FAM13B: variants seen among roughly 807,000 people sequenced by gnomAD.
FAM13B encodes family with sequence similarity 13 member B, also known as protein FAM13B.
In FAM13B, 60 loss-of-function variants were observed where a neutral mutation model predicts 117.3. That is an observed-to-expected ratio of 0.51 (90% CI 0.42 to 0.63). The LOEUF is 0.63. Ranked by LOEUF, FAM13B falls within the 30% of genes least tolerant of loss-of-function variation. The probability of loss-of-function intolerance (pLI) is 0.00; values close to 1 mark genes in which losing one functional copy is unlikely to be tolerated. For synonymous variants in FAM13B, 332 were observed against 356.1 expected, an observed-to-expected ratio of 0.93 and a Z score of 0.76; for missense variants, 972 against 1,091.9, an observed-to-expected ratio of 0.89 and a Z score of 1.55.
chr5:138,004,267 TC>T (rs752151642), intron 7 of FAM13B, among the ~76,000 whole-genome samples: 27 of 148,228 alleles, frequency 1.8e-4, no homozygotes, highest in Non-Finnish European at 3.6e-4. Context: ...CAACTCCATC[TC>T]AAAAAAAAAA....
chr5:137,953,658 T>C (rs1301417123), intron 15 of FAM13B, among the ~76,000 whole-genome samples, 193 bp from the exon 16 acceptor site: 2 of 152,190 alleles, frequency 1.3e-5, no homozygotes, highest in Non-Finnish European at 2.9e-5. Context: ...CAAGTGGTGA[T>C]GAAAACAGTT....
chr5:137,970,315 T>G lies in FAM13B; in HGVS notation c.1180-7846A>C, dbSNP rs540932835. Among the ~76,000 whole-genome samples, 550 of 152,064 alleles carry G rather than the reference T, an allele frequency of 3.6e-3. 3 individuals are homozygous for G. Among genetic ancestry groups the G allele is most frequent in the African/African-American group, 0.012 (515 of 41,446 alleles). On this transcript the variant is annotated intron_variant, in intron 10 of 23. Coordinates refer to ENST00000689681, the MANE Select transcript of FAM13B (RefSeq NM_001385994.1). Reference sequence around the variant, plus strand: ...AGTGGGGGCCAATATTCAACATTCTTAAACAAAAGAATTTTCAACCCAGAA... The same window carrying G: ...AGTGGGGGCCAATATTCAACATTCTGAAACAAAAGAATTTTCAACCCAGAA...
intron 1 of FAM13B, among the ~76,000 whole-genome samples, chr5:138,043,224 C>T (rs1791547951): frequency 6.6e-6 from 1 of 151,834 alleles, no homozygotes; most frequent in African/African-American, 2.4e-5. Context: ...AAAAATTAGC[C>T]AGGCATGGTA....
At chr5:137,997,585 G>A (rs1236487559) in intron 7 of FAM13B, among the ~76,000 whole-genome samples, 1 of 151,838 alleles carries the variant, frequency 6.6e-6, no homozygotes, top group Admixed American at 6.6e-5. Flanking sequence ...AGAACCTCAG[G>A]ATCAATCAAA....
intron 1 of FAM13B, among the ~76,000 whole-genome samples, chr5:138,031,503 A>T (rs1400021619): frequency 1.3e-5 from 2 of 152,136 alleles, no homozygotes; most frequent in Non-Finnish European, 2.9e-5. Context: ...TGGCCAACTT[A>T]GTGAAATCTG....
intron 10 of FAM13B, among the ~76,000 whole-genome samples, chr5:137,984,781 T>G (rs1469468984): frequency 1.3e-5 from 2 of 152,124 alleles, no homozygotes; most frequent in African/African-American, 4.8e-5. Context: ...TTTTTTTCTT[T>G]TTTTTGAGAT....
rs1386328971 is a variant in FAM13B, at chr5:137,938,880, G to A, written c.*1345C>T. 6.6e-6 allele frequency: 1 copy of A among 152,092 alleles called. No individual in the cohort carries two copies. The highest frequency in any genetic ancestry group is 1.5e-5 in the Non-Finnish European group (1 of 68,028). The allele number at this position is 152,092 out of a possible 1,614,324, so 9.4% of individuals were successfully genotyped here. A position where few individuals can be genotyped will look rare whatever the true frequency, so the allele number is the denominator to read the frequency against. On this transcript the variant is annotated 3_prime_UTR_variant, in exon 24 of 24. Transcript: ENST00000689681. Reference sequence around the variant, plus strand: ...GCATGAGTCATTGCATGCAAAACATGGGTATAGTCAAAGTGAGACAGTCAT... The same window carrying A: ...GCATGAGTCATTGCATGCAAAACATAGGTATAGTCAAAGTGAGACAGTCAT...
Position 137,956,561 on chromosome 5 carries a change from T to A in FAM13B, c.1442-19A>T. On this transcript the variant is annotated intron_variant, in intron 13 of 23. Transcript: ENST00000689681. ...CATGACGCTAATAAAATGGAAAAAA[T>A]GGCAAAAAATACTAAAGTGAACACA... 2 of 1,566,378 alleles carry A rather than the reference T, an allele frequency of 1.3e-6. No individual in the cohort carries two copies. The highest frequency in any genetic ancestry group is 1.7e-6 in the Non-Finnish European group (2 of 1,152,890).
chr5:137,983,176 TAAAAAAAAAAAAAAAAAAAAAAAAA>T (rs56880991), intron 10 of FAM13B, among the ~76,000 whole-genome samples: 1 of 75,118 alleles, frequency 1.3e-5, no homozygotes, highest in African/African-American at 5.7e-5. Flanking sequence ...CCAGTGTAGG[TAAAAAAAAAAAAAAAAAAAAAAAAA>T]AAAAAAAAAA....
chr5:137,984,909 C>T (rs1776781132), intron 10 of FAM13B, among the ~76,000 whole-genome samples: 1 of 152,022 alleles, frequency 6.6e-6, no homozygotes, highest in South Asian at 2.1e-4. Flanking sequence ...GCTGGGATTA[C>T]AGGCGCCCAC....
chr5:137,978,051 T>TTG (rs1774540890), intron 10 of FAM13B, among the ~76,000 whole-genome samples: 1 of 152,210 alleles, frequency 6.6e-6, no homozygotes, highest in African/African-American at 2.4e-5. Flanking sequence ...ACACTTGGTT[T>TTG]TGTATGTTTT....
intron 1 of FAM13B, among the ~76,000 whole-genome samples, chr5:138,042,754 C>T (rs1425995076): frequency 6.6e-6 from 1 of 151,840 alleles, no homozygotes; most frequent in Non-Finnish European, 1.5e-5. Context: ...TGCTCTTATT[C>T]TTGATATGAG....
At chr5:137,988,180 C>T (rs972173009) in intron 8 of FAM13B, 94 bp downstream of exon 8, 44 of 956,730 alleles carry the variant, frequency 4.6e-5, no homozygotes, top group Non-Finnish European at 6.4e-5. Context: ...ACAGTCTTTC[C>T]TCTAAAGTGA....
chr5:137,990,135 TATTAA>T (rs1778249910), intron 7 of FAM13B, among the ~76,000 whole-genome samples: 1 of 152,262 alleles, frequency 6.6e-6, no homozygotes, highest in African/African-American at 2.4e-5. Context: ...GATCAGCTGC[TATTAA>T]ATTACAAAAG....
At chr5:138,010,749 T>C (rs1044686716) in intron 6 of FAM13B, among the ~76,000 whole-genome samples, 4 of 151,962 alleles carry the variant, frequency 2.6e-5, no homozygotes, top group Admixed American at 1.3e-4. Context: ...AAATAAACAA[T>C]AGGAAAAGAA....
At chr5:138,010,539 A>G (rs556556565) in intron 6 of FAM13B, among the ~76,000 whole-genome samples, 1 of 152,346 alleles carries the variant, frequency 6.6e-6, no homozygotes, top group African/African-American at 2.4e-5. Flanking sequence ...CCTGCCACTT[A>G]AACTATTAAT....
intron 7 of FAM13B, among the ~76,000 whole-genome samples, chr5:137,997,466 T>G (rs1780156572): frequency 6.6e-6 from 1 of 150,554 alleles, no homozygotes; most frequent in African/African-American, 2.4e-5. Flanking sequence ...CGAAACTCCA[T>G]CTCAAAAAAT....
At chr5:138,011,484 T>C (rs1371201688) in intron 5 of FAM13B, among the ~76,000 whole-genome samples, 1 of 152,092 alleles carries the variant, frequency 6.6e-6, no homozygotes, top group African/African-American at 2.4e-5. Context: ...ATTGGCGCGA[T>C]CTCGGCTCAC....
chr5:138,018,919 A>C, intron 3 of FAM13B, 36 bp downstream of exon 3: 2 of 1,540,638 alleles, frequency 1.3e-6, no homozygotes, highest in Non-Finnish European at 1.8e-6. Flanking sequence ...TGTTTATTAA[A>C]ACAAAAGCTA....
Sources: allele counts gnomAD v4.1 joint callset (sites outside exome capture counted in the v4.1 genomes callset), GRCh38; gene constraint gnomAD v4.1.1; transcripts MANE v1.5; gene names NCBI Gene and HGNC (gene_info 2026-07-23, HGNC 2026-07-21).